The following MYH3 variants were observed in gnomAD, a reference collection of about 807,000 sequenced individuals.
MYH3 encodes myosin-3.
A neutral mutation model predicts 238.0 loss-of-function variants in MYH3; 130 were observed. The ratio of observed to expected loss-of-function variants is 0.55; its 90% CI spans 0.47 to 0.63. MYH3 has a LOEUF of 0.63. Ranked by LOEUF, MYH3 falls within the 30% of genes least tolerant of loss-of-function variation. The pLI is 0.00. For missense variants in MYH3, 1,853 were observed against 2,374.9 expected (o/e 0.78, Z 4.57); for synonymous variants, 880 against 924.1 (o/e 0.95, Z 0.86).
Position 10,635,671 on chromosome 17 carries a change from AT to A in MYH3, c.3975+63del, listed in dbSNP as rs139093415. The A allele has an allele frequency of 3.9e-3, 6,280 of 1,612,952 alleles. 175 individuals are homozygous for A. In the African/African-American group the frequency reaches 0.069, roughly 18 times the overall value. On this transcript the variant is annotated intron_variant, in intron 29 of 40. Coordinates refer to ENST00000583535, the MANE Select transcript of MYH3 (RefSeq NM_002470.4). Reference sequence around the variant, plus strand: ...CACCTTCTGAATGAAGTTGCCTTTTATTTTTTCCTCCTACAGGTGATATTTA... The same window carrying A: ...CACCTTCTGAATGAAGTTGCCTTTTATTTTTCCTCCTACAGGTGATATTTA...
intron 2 of MYH3, among the ~76,000 whole-genome samples, chr17:10,655,545 C>T (rs1474287159): frequency 1.3e-5 from 2 of 152,188 alleles, no homozygotes; most frequent in Admixed American, 6.5e-5. Context: ...CGCTCGTATG[C>T]GGGAACCTGC....
intron 12 of MYH3, among the ~76,000 whole-genome samples, chr17:10,645,298 G>A (rs1212862372): frequency 6.6e-6 from 1 of 152,000 alleles, no homozygotes; most frequent in African/African-American, 2.4e-5. Context: ...CAGGCGCGGT[G>A]GTGTGTGCCT....
intron 17 of MYH3, among the ~76,000 whole-genome samples, chr17:10,641,708 GT>G (rs1322750472): frequency 6.6e-6 from 1 of 152,000 alleles, no homozygotes; most frequent in East Asian, 1.9e-4. Flanking sequence ...TGGAGACGGG[GT>G]TTTACTGTGT....
chr17:10,673,240 G>A, the MYH3 span: 1 of 152,164 alleles, frequency 6.6e-6, no homozygotes. Flanking sequence ...TTGATCTCGT[G>A]ATCTGCCTTT....
At position 10,635,862 on chromosome 17, in the gene MYH3, A is replaced by G; in HGVS notation, c.3857-9T>C. The G allele has an allele frequency of 6.2e-7, 1 of 1,602,084 alleles. No homozygotes were observed. The highest frequency in any genetic ancestry group is 1.1e-5 in the South Asian group (1 of 90,770). The stretch of plus-strand genomic sequence containing the variant: ...CTGACGACTCAGCTCACCTGTGTCC[A>G]GAAGGAAATAGTTTCATTTCATTTA... On this transcript the variant is annotated splice_polypyrimidine_tract_variant and intron_variant, in intron 28 of 40. Coordinates refer to ENST00000583535, the MANE Select transcript of MYH3 (RefSeq NM_002470.4).
chr17:10,651,357 C>T (rs943415366), intron 5 of MYH3, among the ~76,000 whole-genome samples, 155 bp downstream of exon 5: 2 of 152,192 alleles, frequency 1.3e-5, no homozygotes, highest in Non-Finnish European at 2.9e-5. Context: ...CGGGGCCCTA[C>T]ATGATGCAGC....
In MYH3 at chr17:10,645,681, G is replaced by A. The variant is rs367926640; in HGVS notation, c.1141+26C>T. On this transcript the variant is annotated intron_variant, in intron 12 of 40. Transcript: ENST00000583535. ...CCTCAGCAGATCAGCCACCCGCTCT[G>A]GTTTGCTGTCACACTGATTTTGTAC... is the stretch of plus-strand genomic sequence containing the variant. 141 of 1,611,778 alleles carry A rather than the reference G, an allele frequency of 8.7e-5. No homozygotes were observed. The African/African-American group carries it at 1.8e-3, about 21-fold the overall frequency.
chr17:10,646,813 C>T (rs542493948), intron 10 of MYH3, among the ~76,000 whole-genome samples: 2 of 152,204 alleles, frequency 1.3e-5, no homozygotes, highest in African/African-American at 2.4e-5. Context: ...TGTGGGAGGC[C>T]GAGTCGGGCA....
chr17:10,638,258 A>T lies in MYH3; in HGVS notation c.3514T>A (p.Phe1172Ile). The change falls in exon 27 of 41, where the codon TTC (phenylalanine) becomes ATC (isoleucine). Residue 1172 changes from phenylalanine (F) to isoleucine (I), a missense_variant. Transcript: ENST00000583535. ...IELNKKREAE[F>I]LKLRRDLEEA... is the part of the protein sequence containing the mutation. ...TCCAGGTCCCTGCGCAGCTTCAGGA[A>T]CTCCGCCTCCCGCTTCTTGTTGAGC... The T allele has an allele frequency of 6.2e-7, 1 of 1,612,624 alleles. No homozygotes were observed. Among genetic ancestry groups the T allele is most frequent in the Non-Finnish European group, 8.5e-7 (1 of 1,179,748 alleles).
the MYH3 span, among the ~76,000 whole-genome samples, chr17:10,665,929 TAG>T: frequency 6.6e-6 from 1 of 152,108 alleles, no homozygotes. Flanking sequence ...CGGAACAGCA[TAG>T]AGAGTCCAGA....
the MYH3 span, among the ~76,000 whole-genome samples, chr17:10,665,163 G>C: frequency 6.6e-6 from 1 of 151,952 alleles, no homozygotes; most frequent in Non-Finnish European, 1.5e-5. Context: ...TTATTTTTGA[G>C]ATAGAGTCTT....
intron 13 of MYH3, 39 bp downstream of exon 13, chr17:10,644,545 G>A (rs1475535323): frequency 1.2e-6 from 2 of 1,613,306 alleles, no homozygotes; most frequent in East Asian, 2.2e-5. Context: ...GAAGTGGCCA[G>A]CAGGGTCCTG....
rs2074410551 is a variant in MYH3, at chr17:10,654,624, C to G, written c.204+237G>C. Among the ~76,000 whole-genome samples the G allele has an allele frequency of 6.6e-6, 1 of 152,236 alleles. No individual in the cohort carries two copies. The highest frequency in any genetic ancestry group is 2.1e-4 in the South Asian group (1 of 4,836). ...CTACAGTGAACGTGGACAAAAATAC[C>G]TGAAAACTAATTGTTTTAATCAGCC... On this transcript the variant is annotated intron_variant, in intron 3 of 40. Coordinates refer to ENST00000583535, the MANE Select transcript of MYH3 (RefSeq NM_002470.4). This position sits in a 1 kb window ranked among gnomAD's most constrained non-coding sequence, Gnocchi z 4.5.
At position 10,629,678 on chromosome 17, in the gene MYH3, C is replaced by G; in HGVS notation, c.5715G>C (p.Glu1905Asp). The change falls in exon 40 of 41, where the codon GAG (glutamate) becomes GAC (aspartate). Residue 1905 changes from glutamate to aspartate, a missense_variant. Glu to Asp is a conservative substitution (Grantham distance 45). Coordinates refer to ENST00000583535, the MANE Select transcript of MYH3 (RefSeq NM_002470.4). ...TKFRKAQHEL[E>D]EAEERADIAE... ...CGATATCCGCACGTTCCTCGGCCTC[C>G]TCCAGCTCATGCTGAGCCTTTCGGA... The G allele has an allele frequency of 6.2e-7, 1 of 1,614,224 alleles. No individual in the cohort carries two copies. The highest frequency in any genetic ancestry group is 8.5e-7 in the Non-Finnish European group (1 of 1,180,050).
chr17:10,638,411 C>T lies in MYH3; in HGVS notation c.3361G>A (p.Glu1121Lys). The change falls in exon 27 of 41, where the codon GAG (glutamate) becomes AAG (lysine). Residue 1121 changes from glutamate (E) to lysine (K), a missense_variant. Glu to Lys is a moderately conservative substitution (Grantham distance 56). This residue lies in a region of MYH3 where 1,044 missense variants were observed against 1,192.6 expected (regional missense o/e 0.88). Transcript: ENST00000583535. ...GTGGCCCTCTCCGCCTCTATCTCCT[C>T]TTCCAGCTCCTCAATTCGAGCCTGT... ...ELQARIEELEEEIEAERATRA... is the reference protein window; with the variant it reads ...ELQARIEELEKEIEAERATRA... 2 of 1,600,568 alleles carry T rather than the reference C, an allele frequency of 1.2e-6. No individual in the cohort carries two copies. Among genetic ancestry groups the T allele is most frequent in the East Asian group, 2.2e-5 (1 of 44,836 alleles).
At chr17:10,660,043 T>TA (rs998510655), upstream of MYH3, among the ~76,000 whole-genome samples, 4 of 152,238 alleles carry the variant, frequency 2.6e-5, no homozygotes, top group African/African-American at 9.6e-5. Flanking sequence ...CTGAGAGTCC[T>TA]ACAGGCCTGG....
chr17:10,644,832 T>C (rs760245541), intron 12 of MYH3, 130 bp from the exon 13 acceptor site: 33 of 750,252 alleles, frequency 4.4e-5, no homozygotes, highest in Non-Finnish European at 7.6e-5. Context: ...TGCATATACA[T>C]GGCCAATGGA....
chr17:10,634,333 T>G, intron 31 of MYH3, 151 bp from the exon 32 acceptor site: 1 of 923,128 alleles, frequency 1.1e-6, no homozygotes, highest in Non-Finnish European at 1.7e-6. Context: ...TAATCAAGAT[T>G]CTGTTCCATA....
At chr17:10,675,714 T>C in the MYH3 span, 1 of 152,252 alleles carries the variant, frequency 6.6e-6, no homozygotes, top group African/African-American at 2.4e-5. Context: ...CCTAACACAA[T>C]TATTCCTGTT....
Sources: gnomAD v4.1 joint callset for allele counts (sites outside exome capture counted in the v4.1 genomes callset) on GRCh38, gnomAD v4.1.1 for gene constraint, gnomAD v4.1.1 regional missense constraint, Gnocchi (gnomAD v3.1) non-coding constraint, MANE v1.5 for transcripts, NCBI Gene and HGNC (gene_info 2026-07-23, HGNC 2026-07-21) for gene names.